The following VPS13A variants were observed in gnomAD, a reference collection of about 807,000 sequenced individuals.
The protein encoded by VPS13A is intermembrane lipid transfer protein VPS13A.
Under a neutral mutation model 390.9 loss-of-function variants are expected in VPS13A, and 264 were observed. The observed-to-expected ratio is 0.68, with a 90% CI of 0.61 to 0.75. VPS13A has a LOEUF of 0.75. Among genes scored for constraint, VPS13A ranks in the 30% least tolerant of loss-of-function variants. The pLI, the probability that VPS13A is intolerant of heterozygous loss-of-function variation, is 0.00. For missense variants in VPS13A, 3,409 were observed against 3,733.9 expected (o/e 0.91, Z 2.27); for synonymous variants, 1,231 against 1,227.1 (o/e 1.00, Z -0.07).
chr9:77,372,662 G>T (rs1487268948), intron 67 of VPS13A, among the ~76,000 whole-genome samples: 3 of 152,082 alleles, frequency 2.0e-5, no homozygotes, highest in Non-Finnish European at 2.9e-5. Flanking sequence ...AGGAAATAAA[G>T]GGTATTCAGT....
Position 77,197,938 on chromosome 9 carries a change from G to A in VPS13A, c.101-2007G>A, listed in dbSNP as rs115581116. ...ATAATTTTCTCACATTTATTCACAC[G>A]TAAGTTGTTAACAGTAAGACATATG... On this transcript the variant is annotated intron_variant, in intron 1 of 71. Coordinates refer to ENST00000360280, the MANE Select transcript of VPS13A (RefSeq NM_033305.3). Among the ~76,000 whole-genome samples, 904 of 152,226 alleles carry A rather than the reference G, an allele frequency of 5.9e-3. 9 individuals are homozygous for A. The highest frequency in any genetic ancestry group is 0.02 in the Middle Eastern group (6 of 294).
chr9:77,370,543 G>A lies in VPS13A; in HGVS notation c.8872G>A (p.Glu2958Lys), dbSNP rs1563967454. Residue 2958 changes from glutamate (E) to lysine (K), a missense_variant, in exon 65 of 72, where the codon GAA (glutamate) becomes AAA (lysine). By Grantham distance (56) the Glu-to-Lys change is moderately conservative. Transcript: ENST00000360280. ...AMNKQPAGFR[E>K]GITRGGKGLV... ...GAATAAGCAACCAGCTGGTTTTAGAGAAGGCATCACTCGTGGAGGAAAAGG... is the reference window on the plus strand; with the variant it reads ...GAATAAGCAACCAGCTGGTTTTAGAAAAGGCATCACTCGTGGAGGAAAAGG... 1.2e-6 allele frequency: 2 copies of A among 1,614,150 alleles called. No homozygotes were observed. The highest frequency in any genetic ancestry group is 1.7e-5 in the Admixed American group (1 of 60,028).
chr9:77,235,170 T>C (rs1824073714), intron 17 of VPS13A, among the ~76,000 whole-genome samples: 1 of 152,244 alleles, frequency 6.6e-6, no homozygotes, highest in African/African-American at 2.4e-5. Flanking sequence ...TGCAAATTAC[T>C]ATCTAATATC....
At chr9:77,388,653 G>T (rs1833788311) in intron 68 of VPS13A, among the ~76,000 whole-genome samples, 1 of 152,022 alleles carries the variant, frequency 6.6e-6, no homozygotes, top group African/African-American at 2.4e-5. Context: ...TATTCTTCTG[G>T]ATCTTAGAGA....
intron 1 of VPS13A, among the ~76,000 whole-genome samples, chr9:77,184,614 G>A (rs756535430): frequency 3.9e-5 from 6 of 152,124 alleles, no homozygotes; most frequent in African/African-American, 1.2e-4. Context: ...GCAAGACTCC[G>A]TCTCAAAAAA....
chr9:77,410,224 C>A (rs1834853734), intron 71 of VPS13A, among the ~76,000 whole-genome samples: 1 of 152,048 alleles, frequency 6.6e-6, no homozygotes, highest in African/African-American at 2.4e-5. Context: ...GAAATAAAAT[C>A]CTTTACAGAA....
intron 67 of VPS13A, among the ~76,000 whole-genome samples, chr9:77,381,222 CT>C (rs1833416993): frequency 6.6e-6 from 1 of 152,096 alleles, no homozygotes; most frequent in Non-Finnish European, 1.5e-5. Flanking sequence ...TCAAACTATC[CT>C]CCCACCTCAG....
chr9:77,226,602 T>C lies in VPS13A; in HGVS notation c.1357+4T>C, dbSNP rs747458826. The C allele has an allele frequency of 5.6e-6, 9 of 1,611,580 alleles. No homozygotes were observed. The highest frequency in any genetic ancestry group is 1.7e-5 in the Admixed American group (1 of 59,924). On this transcript the variant is annotated splice_donor_region_variant and intron_variant, in intron 15 of 71. Coordinates refer to ENST00000360280, the MANE Select transcript of VPS13A (RefSeq NM_033305.3). ...CAACCAGATGTTCAACCTGAAAGTA[T>C]GTCCATTTCATTTTACAGCATAGTT...
intron 67 of VPS13A, among the ~76,000 whole-genome samples, chr9:77,373,009 T>C (rs930644042): frequency 2.0e-5 from 3 of 152,228 alleles, no homozygotes; most frequent in Admixed American, 2.0e-4. Context: ...TGGAAGAACA[T>C]TCCATGCTCA....
At chr9:77,238,668 G>A (rs188068626) in intron 19 of VPS13A, among the ~76,000 whole-genome samples, 186 of 152,168 alleles carry the variant, frequency 1.2e-3, no homozygotes, top group Middle Eastern at 3.4e-3. Flanking sequence ...CTGGCCTCTC[G>A]TTTTCCTTTC....
intron 17 of VPS13A, among the ~76,000 whole-genome samples, chr9:77,231,710 C>T (rs1823839396): frequency 6.6e-6 from 1 of 152,062 alleles, no homozygotes; most frequent in African/African-American, 2.4e-5. Context: ...TTTGTGATTT[C>T]ACTTCATTGA....
chr9:77,361,458 G>A (rs1295681424), intron 59 of VPS13A, among the ~76,000 whole-genome samples: 1 of 152,076 alleles, frequency 6.6e-6, no homozygotes, highest in Non-Finnish European at 1.5e-5. Context: ...TTATATGGAT[G>A]GGCCACATTT....
chr9:77,236,520 C>T (rs1407209037), intron 17 of VPS13A, among the ~76,000 whole-genome samples: 1 of 152,178 alleles, frequency 6.6e-6, no homozygotes, highest in African/African-American at 2.4e-5. Context: ...TGTTTACCTA[C>T]TGTAGTGGGT....
rs540969840 is a variant in VPS13A at position 77,411,536 on chromosome 9, G to A, written c.9474+3929G>A. ...AAATTAGCCGGGCGAGGTGGCGGGC[G>A]CCTGTAGTCCCAGCTACGCGGGAGG... On this transcript the variant is annotated intron_variant, in intron 71 of 71. Coordinates refer to ENST00000360280, the MANE Select transcript of VPS13A (RefSeq NM_033305.3). Among the ~76,000 whole-genome samples the A allele has an allele frequency of 8.6e-3, 1,311 of 151,708 alleles. 11 individuals carry two copies. Among genetic ancestry groups the A allele is most frequent in the South Asian group, 0.019 (91 of 4,796 alleles).
intron 59 of VPS13A, among the ~76,000 whole-genome samples, chr9:77,364,296 G>C (rs542959303): frequency 1.3e-5 from 2 of 152,134 alleles, no homozygotes; most frequent in East Asian, 3.9e-4. Flanking sequence ...GTGTTGGCAG[G>C]TGCCTGTAAT....
rs1825983273 is a variant in VPS13A at position 77,265,445 on chromosome 9, A to T, written c.2427+5221A>T. ...TGGTCGTGGGCTTTTTTTGGTTGAT[A>T]GGCTATTAATTACTGCCTCAATTTC... On this transcript the variant is annotated intron_variant, in intron 23 of 71. Coordinates refer to ENST00000360280, the MANE Select transcript of VPS13A (RefSeq NM_033305.3). 3.3e-5 allele frequency among the ~76,000 whole-genome samples: 5 copies of T among 152,106 alleles called. No homozygotes were observed. In the South Asian group the frequency reaches 1.0e-3, roughly 31 times the overall value.
intron 68 of VPS13A, among the ~76,000 whole-genome samples, chr9:77,393,793 G>A (rs930827828): frequency 1.3e-4 from 20 of 151,904 alleles, no homozygotes; most frequent in East Asian, 7.8e-4. Context: ...TTTTTGAGAC[G>A]GAGTCTCGCT....
chr9:77,418,166 A>G lies in VPS13A; in HGVS notation c.*2160A>G, dbSNP rs1044017215. 3.3e-5 allele frequency: 5 copies of G among 152,238 alleles called. No homozygotes were observed. In the East Asian group the frequency reaches 5.8e-4, roughly 18 times the overall value. The allele number at this position is 152,238 out of a possible 1,614,324, so 9.4% of individuals were successfully genotyped here. A position where few individuals can be genotyped will look rare whatever the true frequency, so the allele number is the denominator to read the frequency against. On this transcript the variant is annotated 3_prime_UTR_variant, in exon 72 of 72. Transcript: ENST00000360280. ...AAGAATCTTCTTGTATTTGAAAACCATCTGCCCTAAATTACATTTAACTAC... is the reference window on the plus strand; with the variant it reads ...AAGAATCTTCTTGTATTTGAAAACCGTCTGCCCTAAATTACATTTAACTAC...
intron 34 of VPS13A, 54 bp downstream of exon 34, chr9:77,303,116 C>G: frequency 6.3e-7 from 1 of 1,590,032 alleles, no homozygotes; most frequent in South Asian, 1.1e-5. Flanking sequence ...AAAAATACTG[C>G]TTGGGGACAT....
Sources: gnomAD v4.1 joint callset for allele counts (sites outside exome capture counted in the v4.1 genomes callset) on GRCh38, gnomAD v4.1.1 for gene constraint, MANE v1.5 for transcripts, NCBI Gene and HGNC (gene_info 2026-07-23, HGNC 2026-07-21) for gene names.